The following KIFAP3 variants were observed in gnomAD, a reference collection of about 807,000 sequenced individuals.
KIFAP3 encodes the protein kinesin-associated protein 3.
Under a neutral mutation model 106.5 loss-of-function variants are expected in KIFAP3, and 68 were observed. That is an observed-to-expected ratio of 0.64 (90% CI 0.53 to 0.78). The LOEUF is 0.78. Among genes scored for constraint, KIFAP3 ranks in the 30% least tolerant of loss-of-function variants. KIFAP3 has a pLI of 0.00. For synonymous variants in KIFAP3, 320 were observed against 311.5 expected (o/e 1.03, Z -0.29); for missense variants, 780 against 941.8 (o/e 0.83, Z 2.25).
At chr1:169,999,881 G>A (rs989498659) in intron 10 of KIFAP3, among the ~76,000 whole-genome samples, 3 of 152,028 alleles carry the variant, frequency 2.0e-5, no homozygotes, top group African/African-American at 4.8e-5. Context: ...GAGTTTATAA[G>A]AAACATTGCA....
At chr1:169,953,263 T>C (rs955313556) in intron 19 of KIFAP3, among the ~76,000 whole-genome samples, 1 of 152,110 alleles carries the variant, frequency 6.6e-6, no homozygotes, top group African/African-American at 2.4e-5. Flanking sequence ...ACTTTTTTTT[T>C]CTCTTAATTA....
intron 19 of KIFAP3, among the ~76,000 whole-genome samples, chr1:169,930,101 T>C (rs1323051304): frequency 1.3e-5 from 2 of 152,196 alleles, no homozygotes; most frequent in Non-Finnish European, 2.9e-5. Flanking sequence ...GAGTAATATT[T>C]TAGTGATTAT....
chr1:169,947,780 A>C (rs1360977236), intron 19 of KIFAP3, among the ~76,000 whole-genome samples: 1 of 151,848 alleles, frequency 6.6e-6, no homozygotes, highest in East Asian at 1.9e-4. Flanking sequence ...TATATGAATA[A>C]AATTTTTATA....
intron 6 of KIFAP3, among the ~76,000 whole-genome samples, chr1:170,034,866 G>A (rs567185257): frequency 4.6e-5 from 7 of 151,866 alleles, no homozygotes; most frequent in East Asian, 3.9e-4. Flanking sequence ...CAGAGAATTC[G>A]TAAAGTACTA....
intron 16 of KIFAP3, among the ~76,000 whole-genome samples, chr1:169,973,735 T>C (rs1220664234): frequency 1.3e-5 from 2 of 151,842 alleles, no homozygotes; most frequent in African/African-American, 4.8e-5. Context: ...TAGAAGTCTA[T>C]ATTCTGTTAA....
intron 19 of KIFAP3, among the ~76,000 whole-genome samples, chr1:169,943,446 G>A (rs1664249215): frequency 1.3e-5 from 2 of 152,076 alleles, no homozygotes; most frequent in East Asian, 1.9e-4. Context: ...GAGTTAAGGA[G>A]TAAGCTCAAT....
intron 3 of KIFAP3, 82 bp downstream of exon 3, chr1:170,046,630 A>C: frequency 8.6e-7 from 1 of 1,168,442 alleles, no homozygotes; most frequent in Non-Finnish European, 1.2e-6. Flanking sequence ...TAGTTTGATA[A>C]ACTTTTTTTT....
chr1:169,923,030 G>A (rs1211105321), intron 19 of KIFAP3: 13 of 934,566 alleles, frequency 1.4e-5, no homozygotes, highest in Non-Finnish European at 1.5e-5. Flanking sequence ...GAACTAAAGA[G>A]TAAATGTAAA....
Position 170,074,511 on chromosome 1 carries a change from G to C in KIFAP3, c.-44C>G. 6.2e-7 allele frequency: 1 copy of C among 1,613,280 alleles called. No individual in the cohort carries two copies. The highest frequency in any genetic ancestry group is 8.5e-7 in the Non-Finnish European group (1 of 1,179,716). On this transcript the variant is annotated 5_prime_UTR_variant, in exon 1 of 20. Transcript: ENST00000361580. ...GTGGAGAGGATGGGGTATCTTGAGAGGCAGGCGCGGTTATTTCCGGGGACG... is the reference window on the plus strand; with the variant it reads ...GTGGAGAGGATGGGGTATCTTGAGACGCAGGCGCGGTTATTTCCGGGGACG...
intron 1 of KIFAP3, chr1:170,069,066 G>T (rs1671579929): frequency 6.6e-6 from 1 of 151,916 alleles, no homozygotes; most frequent in South Asian, 2.1e-4. Flanking sequence ...CTCTTTTGAT[G>T]ATTAAAAAAT....
At chr1:170,030,688 T>C (rs944029021) in intron 8 of KIFAP3, among the ~76,000 whole-genome samples, 2 of 151,682 alleles carry the variant, frequency 1.3e-5, no homozygotes, top group African/African-American at 4.8e-5. Context: ...AAGACAAAAA[T>C]GCATACATAC....
At chr1:169,995,921 G>C (rs545881037) in intron 10 of KIFAP3, among the ~76,000 whole-genome samples, 1 of 152,216 alleles carries the variant, frequency 6.6e-6, no homozygotes, top group Non-Finnish European at 1.5e-5. Context: ...TATAGCTTGT[G>C]TGTGTGTGTG....
At chr1:169,951,562 C>T (rs1664732572) in intron 19 of KIFAP3, among the ~76,000 whole-genome samples, 3 of 151,812 alleles carry the variant, frequency 2.0e-5, no homozygotes. Context: ...GAATAAAATG[C>T]TGAAATCTTT....
At chr1:170,043,695 T>C (rs12031030) in intron 3 of KIFAP3, among the ~76,000 whole-genome samples, 13,401 of 151,946 alleles carry the variant, frequency 0.088, 1,553 homozygotes, top group African/African-American at 0.26. Flanking sequence ...TATCAAGAAA[T>C]ATAATGAATG....
intron 10 of KIFAP3, among the ~76,000 whole-genome samples, chr1:170,007,686 A>G (rs1571652644): frequency 6.6e-6 from 1 of 152,168 alleles, no homozygotes; most frequent in East Asian, 1.9e-4. Context: ...GAAAATGGCC[A>G]TACTACCCAA....
At chr1:170,013,031 T>C (rs1480835992) in intron 10 of KIFAP3, among the ~76,000 whole-genome samples, 1 of 152,084 alleles carries the variant, frequency 6.6e-6, no homozygotes, top group Non-Finnish European at 1.5e-5. Context: ...AACCATACAG[T>C]GCCTTTAGAA....
chr1:170,066,064 G>A (rs891547726), intron 1 of KIFAP3, among the ~76,000 whole-genome samples: 1 of 147,484 alleles, frequency 6.8e-6, no homozygotes, highest in Admixed American at 6.7e-5. Context: ...TTTAAAAACT[G>A]TTTTTGGTGG....
chr1:170,057,991 G>A (rs1670935736), intron 1 of KIFAP3, among the ~76,000 whole-genome samples: 1 of 152,082 alleles, frequency 6.6e-6, no homozygotes, highest in African/African-American at 2.4e-5. Flanking sequence ...ATCTCAATGA[G>A]AAGTTATGCT....
At chr1:169,976,186 T>C (rs1326752289) in intron 16 of KIFAP3, among the ~76,000 whole-genome samples, 1 of 152,174 alleles carries the variant, frequency 6.6e-6, no homozygotes, top group Non-Finnish European at 1.5e-5. Context: ...AAAAACCCTA[T>C]GAGATGACCT....
Sources: allele counts gnomAD v4.1 joint callset (sites outside exome capture counted in the v4.1 genomes callset), GRCh38; gene constraint gnomAD v4.1.1; transcripts MANE v1.5; gene names NCBI Gene and HGNC (gene_info 2026-07-23, HGNC 2026-07-21).